AATK: variants seen among roughly 807,000 people sequenced by gnomAD.
AATK encodes the protein lemur tail kinase 1.
AATK carries 91 observed loss-of-function variants against 114.3 expected under a neutral mutation model. The observed-to-expected ratio is 0.80, with a 90% CI of 0.67 to 0.95. The LOEUF (loss-of-function observed/expected upper bound fraction) is 0.95. Ranked by LOEUF, AATK falls within the 40% of genes least tolerant of loss-of-function variation. The pLI, the probability that AATK is intolerant of heterozygous loss-of-function variation, is 0.00. For synonymous variants in AATK, 1,075 were observed against 916.5 expected (o/e 1.17, Z -3.12); for missense variants, 2,176 against 1,965.2 (o/e 1.11, Z -2.03).
chr17:81,132,414 C>T (rs1010594097), intron 2 of AATK, among the ~76,000 whole-genome samples: 3 of 152,226 alleles, frequency 2.0e-5, no homozygotes, highest in East Asian at 1.9e-4. Context: ...GTGGCTCTGT[C>T]GGTATTCCCG....
chr17:81,128,574 G>C, intron 3 of AATK, 25 bp from the exon 4 acceptor site: 1 of 1,548,390 alleles, frequency 6.5e-7, no homozygotes, highest in African/African-American at 1.4e-5. Context: ...GGGGTTCAGG[G>C]ACCCAGTGTG....
In AATK at chr17:81,120,009, G is replaced by A. The variant is rs551251647; in HGVS notation, c.3810C>T (p.Ser1270=). The A allele has an allele frequency of 5.5e-6, 8 of 1,448,298 alleles. No individual in the cohort carries two copies. In the Admixed American group the frequency reaches 2.2e-4, roughly 39 times the overall value. 89.7% of individuals were successfully genotyped at this position (1,448,298 alleles called of 1,614,324 possible). A position where few individuals can be genotyped will look rare whatever the true frequency, so the allele number is the denominator to read the frequency against. Residue 1270 remains serine, a synonymous_variant, in exon 12 of 14, where the codon AGC becomes AGT. Transcript: ENST00000326724. ...KESPPTFLRG[S]PGSPSAPNRP... is the part of the protein sequence containing the mutation. ...GGTTGGGGGCGCTGGGAGAGCCGGG[G>A]CTCCCCCTAAGGAACGTAGGGGGCG...
At chr17:81,157,026 G>A (rs1178157423) in intron 1 of AATK, among the ~76,000 whole-genome samples, 6 of 152,166 alleles carry the variant, frequency 3.9e-5, no homozygotes, top group Non-Finnish European at 5.9e-5. Context: ...CCCTGGTGGC[G>A]GCATCGTGCC....
intron 7 of AATK, chr17:81,125,763 G>A (rs772873772): frequency 1.8e-5 from 7 of 383,428 alleles, no homozygotes; most frequent in Admixed American, 9.7e-5. Flanking sequence ...CCATGTCTGC[G>A]TGCCAGGGGA....
Position 81,131,188 on chromosome 17 carries a change from C to A in AATK, c.207G>T (p.Glu69Asp). The A allele has an allele frequency of 6.3e-7, 1 of 1,580,608 alleles. No homozygotes were observed. Among genetic ancestry groups the A allele is most frequent in the Non-Finnish European group, 8.6e-7 (1 of 1,165,958 alleles). Residue 69 changes from glutamate (E) to aspartate (D), a missense_variant, in exon 3 of 14, where the codon GAG (glutamate) becomes GAT (aspartate). By Grantham distance (45) the Glu-to-Asp change is conservative. Around this residue, in one of 4 missense-constraint regions of AATK, gnomAD observed 178 missense variants for 175.4 expected, o/e 1.01. Coordinates refer to ENST00000326724, the MANE Select transcript of AATK (RefSeq NM_001080395.3). ...GIGFKEFENA[E>D]GDEYAADLAQ... ...CCAGGTCGGCTGCGTACTCGTCCCC[C>A]TCCGCATTCTCAAACTCCTGCGGGC...
intron 1 of AATK, among the ~76,000 whole-genome samples, chr17:81,145,433 C>T (rs1276128271): frequency 6.6e-6 from 1 of 151,540 alleles, no homozygotes; most frequent in Non-Finnish European, 1.5e-5. Flanking sequence ...GCTTTGGCTC[C>T]GTAAAAATGT....
chr17:81,119,534 C>G lies in AATK; in HGVS notation c.3930G>C (p.Lys1310Asn). ...GGTCTAGGGCCATGGCGAAGGCTGC[C>G]TTGGCCGTCATCAGCGGGAAGTCGT... The part of the protein sequence containing the change: ...WDDDFPLMTA[K>N]AAFAMALDPA... Residue 1310 changes from lysine to asparagine, a missense_variant, in exon 13 of 14, where the codon AAG becomes AAC. Around this residue, in one of 4 missense-constraint regions of AATK, gnomAD observed 1,701 missense variants for 1,394.7 expected, o/e 1.22. Transcript: ENST00000326724. 6.3e-7 allele frequency: 1 copy of G among 1,580,036 alleles called. No homozygotes were observed. Among genetic ancestry groups the G allele is most frequent in the Non-Finnish European group, 8.6e-7 (1 of 1,165,518 alleles).
In AATK at chr17:81,117,871, C is replaced by A. The variant is rs558852873; in HGVS notation, c.*531G>T. 6.5e-6 allele frequency: 1 copy of A among 152,906 alleles called. No individual in the cohort carries two copies. The highest frequency in any genetic ancestry group is 1.5e-5 in the Non-Finnish European group (1 of 68,470). 9.5% of individuals were successfully genotyped at this position (152,906 alleles called of 1,614,324 possible). A position where few individuals can be genotyped will look rare whatever the true frequency, so the allele number is the denominator to read the frequency against. ...GAGATAAGGGCAGCGGAAACAGGAC[C>A]GACACGGGCGCCCAGGGCCACTCCT... On this transcript the variant is annotated 3_prime_UTR_variant, in exon 14 of 14. Coordinates refer to ENST00000326724, the MANE Select transcript of AATK (RefSeq NM_001080395.3).
chr17:81,121,125 A>T lies in AATK; in HGVS notation c.2811T>A (p.Ser937Arg). The T allele has an allele frequency of 6.2e-7, 1 of 1,605,754 alleles. No individual in the cohort carries two copies. Among genetic ancestry groups the T allele is most frequent in the Non-Finnish European group, 8.5e-7 (1 of 1,176,908 alleles). ...ACTCATAGTTCTCGGTGTCATAGCC[A>T]CTGTCCAGCGCTCGCGGCTGCCCTC... The part of the protein sequence containing the change: ...PSGGQPRALD[S>R]GYDTENYESP... Residue 937 changes from serine (S) to arginine (R), a missense_variant, in exon 11 of 14, where the codon AGT becomes AGA. By Grantham distance (110) the Ser-to-Arg change is moderately radical. Coordinates refer to ENST00000326724, the MANE Select transcript of AATK (RefSeq NM_001080395.3).
intron 1 of AATK, among the ~76,000 whole-genome samples, chr17:81,142,272 T>A (rs1346125994): frequency 1.4e-5 from 2 of 147,232 alleles, no homozygotes. Flanking sequence ...TTTTTCTTTT[T>A]TCTTTTCTTT....
At chr17:81,140,659 C>T (rs1233474050) in intron 1 of AATK, among the ~76,000 whole-genome samples, 4 of 142,142 alleles carry the variant, frequency 2.8e-5, no homozygotes, top group East Asian at 4.0e-4. Flanking sequence ...GCCGGGGGAC[C>T]GTGGGGCCGT....
chr17:81,125,418 G>A, intron 7 of AATK: 2 of 481,158 alleles, frequency 4.2e-6, no homozygotes, highest in Non-Finnish European at 8.7e-6. Flanking sequence ...TGGGGAAACT[G>A]AGGCCTGGAG....
At chr17:81,149,369 G>A (rs1224976707) in intron 1 of AATK, among the ~76,000 whole-genome samples, 6 of 152,034 alleles carry the variant, frequency 3.9e-5, no homozygotes, top group Non-Finnish European at 1.5e-5. Flanking sequence ...TTCCCCATGC[G>A]GTCCTGCCTC....
In AATK at chr17:81,150,349, C is replaced by T. The variant is rs1417543100; in HGVS notation, c.55+15589G>A. Among the ~76,000 whole-genome samples, 3 of 151,882 alleles carry T rather than the reference C, an allele frequency of 2.0e-5. No individual in the cohort carries two copies. The East Asian group carries it at 5.8e-4, about 29-fold the overall frequency. ...GGGACAGGCGCCCCACTCCCACATT[C>T]TAGTGCTCCCCCCCAATCCTAGGAC... is the stretch of plus-strand genomic sequence containing the variant. On this transcript the variant is annotated intron_variant, in intron 1 of 13. Coordinates refer to ENST00000326724, the MANE Select transcript of AATK (RefSeq NM_001080395.3).
In AATK at chr17:81,121,703, G is replaced by C; in HGVS notation, c.2233C>G (p.Leu745Val). The change falls in exon 11 of 14, where the codon CTC (leucine) becomes GTC (valine). Residue 745 changes from leucine to valine, a missense_variant. Leu to Val is a conservative substitution (Grantham distance 32, BLOSUM62 1). Coordinates refer to ENST00000326724, the MANE Select transcript of AATK (RefSeq NM_001080395.3). ...SAQEPGCCPG[L>V]PHLCSAQGLA... ...CCCTGGGCAGAGCATAGATGAGGGA[G>C]GCCGGGGCAGCAGCCTGGCTCCTGG... 1 of 1,496,052 alleles carries C rather than the reference G, an allele frequency of 6.7e-7. No individual in the cohort carries two copies. The highest frequency in any genetic ancestry group is 8.9e-7 in the Non-Finnish European group (1 of 1,126,354). The allele number at this position is 1,496,052 out of a possible 1,614,324, so 92.7% of individuals were successfully genotyped here. A position where few individuals can be genotyped will look rare whatever the true frequency, so the allele number is the denominator to read the frequency against.
Position 81,121,244 on chromosome 17 carries a change from C to G in AATK, c.2692G>C (p.Gly898Arg). ...PAFRSLQKQV[G>R]TPDSLDSLDI... ...AGGGAGTCCAGGGAGTCGGGGGTCCCCACCTGCTTCTGCAGAGAGCGGAAG... is the reference window on the plus strand; with the variant it reads ...AGGGAGTCCAGGGAGTCGGGGGTCCGCACCTGCTTCTGCAGAGAGCGGAAG... The change falls in exon 11 of 14, where the codon GGG (glycine) becomes CGG (arginine). Residue 898 changes from glycine (G) to arginine (R), a missense_variant. This residue lies in a region of AATK where 1,701 missense variants were observed against 1,394.7 expected (regional missense o/e 1.22). Coordinates refer to ENST00000326724, the MANE Select transcript of AATK (RefSeq NM_001080395.3). The G allele has an allele frequency of 1.2e-6, 2 of 1,608,404 alleles. No individual in the cohort carries two copies. Among genetic ancestry groups the G allele is most frequent in the Non-Finnish European group, 1.7e-6 (2 of 1,177,996 alleles).
At chr17:81,140,397 G>T (rs982417108) in intron 1 of AATK, among the ~76,000 whole-genome samples, 2 of 152,252 alleles carry the variant, frequency 1.3e-5, no homozygotes, top group African/African-American at 4.8e-5. Context: ...AATTGCCCCA[G>T]ATTTGGTAAG....
Position 81,118,166 on chromosome 17 carries a change from A to G in AATK, c.*236T>C. ...GTGGCTCCAGGCGCCCCCAGGGGCT[A>G]GCAGCAAGCCTAAAAGCCCAGACGA... On this transcript the variant is annotated 3_prime_UTR_variant, in exon 14 of 14. Transcript: ENST00000326724. The G allele has an allele frequency of 1.8e-6, 1 of 551,612 alleles. No homozygotes were observed. Among genetic ancestry groups the G allele is most frequent in the South Asian group, 2.3e-5 (1 of 43,550 alleles). 34.2% of individuals were successfully genotyped at this position (551,612 alleles called of 1,614,324 possible). A position where few individuals can be genotyped will look rare whatever the true frequency, so the allele number is the denominator to read the frequency against.
intron 3 of AATK, 167 bp from the exon 4 acceptor site, chr17:81,128,716 G>A: frequency 7.0e-7 from 1 of 1,433,218 alleles, no homozygotes; most frequent in East Asian, 2.6e-5. Context: ...AGGGTCTCTT[G>A]AGAGCAGGGG....
Sources: allele counts gnomAD v4.1 joint callset (sites outside exome capture counted in the v4.1 genomes callset), GRCh38; gene constraint gnomAD v4.1.1; regional missense constraint gnomAD v4.1.1; transcripts MANE v1.5; gene names NCBI Gene and HGNC (gene_info 2026-07-23, HGNC 2026-07-21).